KCNK2: variants seen among roughly 807,000 people sequenced by gnomAD.
The protein encoded by KCNK2 is potassium channel subfamily K member 2.
KCNK2 carries 21 observed loss-of-function variants against 40.5 expected under a neutral mutation model. That is an observed-to-expected ratio of 0.52 (90% CI 0.37 to 0.75). KCNK2 has a LOEUF of 0.75. Ranked by LOEUF, KCNK2 falls within the 30% of genes least tolerant of loss-of-function variation. The pLI is 0.00. For synonymous variants in KCNK2, 191 were observed against 202.2 expected, an observed-to-expected ratio of 0.94 and a Z score of 0.47; for missense variants, 399 against 531.6, an observed-to-expected ratio of 0.75 and a Z score of 2.45.
intron 3 of KCNK2, among the ~76,000 whole-genome samples, chr1:215,161,910 AGAAT>A (rs1170024661): frequency 2.0e-5 from 3 of 152,342 alleles, no homozygotes; most frequent in Admixed American, 6.5e-5. Context: ...TCTTTATTGT[AGAAT>A]GATTTATAAT....
chr1:215,229,230 G>T (rs1291798581), intron 6 of KCNK2, among the ~76,000 whole-genome samples: 1 of 140,290 alleles, frequency 7.1e-6, no homozygotes, highest in African/African-American at 2.7e-5. Flanking sequence ...TTTTGAATGT[G>T]AATGATTAAT....
intron 1 of KCNK2, 145 bp downstream of exon 1, chr1:215,083,576 G>A: frequency 1.5e-6 from 1 of 663,488 alleles, no homozygotes; most frequent in East Asian, 2.7e-5. Flanking sequence ...GTCATAATCT[G>A]GATTTGGAGG....
chr1:215,108,725 G>T (rs1660547138), intron 2 of KCNK2, among the ~76,000 whole-genome samples: 1 of 137,054 alleles, frequency 7.3e-6, no homozygotes, highest in African/African-American at 2.7e-5. Flanking sequence ...ACAGCAGACA[G>T]CTCAAACAGT....
At chr1:215,179,735 T>G (rs755791470) in intron 5 of KCNK2, among the ~76,000 whole-genome samples, 27 of 152,162 alleles carry the variant, frequency 1.8e-4, no homozygotes, top group Admixed American at 1.2e-3. Flanking sequence ...ATGGTTGGTA[T>G]GCTTTTAATT....
At position 215,171,969 on chromosome 1, in the gene KCNK2, T is replaced by TAC. The variant is rs547091168; in HGVS notation, c.637-21_637-20dup. The TAC allele has an allele frequency of 3.5e-4, 524 of 1,489,574 alleles. 5 individuals are homozygous for TAC. The South Asian group carries it at 5.9e-3, about 17-fold the overall frequency. The allele number at this position is 1,489,574 out of a possible 1,614,324, so 92.3% of individuals were successfully genotyped here. A position where few individuals can be genotyped will look rare whatever the true frequency, so the allele number is the denominator to read the frequency against. On this transcript the variant is annotated intron_variant, in intron 4 of 6. Transcript: ENST00000444842. The stretch of plus-strand genomic sequence containing the variant: ...CCCCATTTATATACATATATATATA[T>TAC]ACACACACCTTTCTGTCTCATCCCT...
chr1:215,027,605 A>AT (rs1657043189), intron 1 of KCNK2, among the ~76,000 whole-genome samples: 1 of 152,186 alleles, frequency 6.6e-6, no homozygotes, highest in Admixed American at 6.5e-5. Flanking sequence ...TTCTGTTGAC[A>AT]TACAGCTGGG....
At chr1:215,130,828 C>T (rs908192901) in intron 3 of KCNK2, among the ~76,000 whole-genome samples, 5 of 151,708 alleles carry the variant, frequency 3.3e-5, no homozygotes, top group African/African-American at 1.2e-4. Flanking sequence ...GAGGGCTTAG[C>T]GTTTAATTTT....
At chr1:215,203,545 A>G (rs1160515571) in intron 6 of KCNK2, among the ~76,000 whole-genome samples, 1 of 151,962 alleles carries the variant, frequency 6.6e-6, no homozygotes, top group East Asian at 1.9e-4. Context: ...TATATATAAT[A>G]TCATCATATA....
At chr1:215,057,650 A>G (rs1041987104) in intron 1 of KCNK2, among the ~76,000 whole-genome samples, 14 of 152,164 alleles carry the variant, frequency 9.2e-5, no homozygotes, top group African/African-American at 3.1e-4. Flanking sequence ...GCAAGATGGA[A>G]GAAACAAAGG....
intron 1 of KCNK2, among the ~76,000 whole-genome samples, chr1:215,010,231 C>T (rs1656329107): frequency 6.6e-6 from 1 of 152,106 alleles, no homozygotes; most frequent in South Asian, 2.1e-4. Flanking sequence ...GCAAGTTAAC[C>T]ACCAGTTTAT....
intron 5 of KCNK2, among the ~76,000 whole-genome samples, chr1:215,186,387 C>G (rs1664440777): frequency 6.6e-6 from 1 of 151,540 alleles, no homozygotes; most frequent in African/African-American, 2.4e-5. Flanking sequence ...GGGCGAGGCC[C>G]CATCTTGAAA....
At chr1:215,161,735 A>G (rs1361168338) in intron 3 of KCNK2, among the ~76,000 whole-genome samples, 5 of 151,970 alleles carry the variant, frequency 3.3e-5, no homozygotes, top group African/African-American at 1.2e-4. Flanking sequence ...CTTCATCCAT[A>G]TCCCTGCAAA....
intron 2 of KCNK2, among the ~76,000 whole-genome samples, chr1:215,103,850 T>C (rs1352375735): frequency 6.6e-6 from 1 of 152,084 alleles, no homozygotes. Context: ...TGTCTGTGTG[T>C]CTGTTTTATT....
intron 1 of KCNK2, among the ~76,000 whole-genome samples, chr1:215,029,578 A>G (rs1207426655): frequency 6.8e-6 from 1 of 147,056 alleles, no homozygotes; most frequent in African/African-American, 2.5e-5. Context: ...TTTAATATAT[A>G]AATATAAATA....
At chr1:215,167,206 A>G (rs1017528746) in intron 3 of KCNK2, among the ~76,000 whole-genome samples, 4 of 152,162 alleles carry the variant, frequency 2.6e-5, no homozygotes, top group African/African-American at 9.6e-5. Context: ...TAACAATGAA[A>G]TAAATACAAA....
chr1:215,209,477 T>A (rs867025379), intron 6 of KCNK2, among the ~76,000 whole-genome samples: 274 of 1,138 alleles, frequency 0.24, 8 homozygotes, highest in East Asian at 0.5. Context: ...TAATATATAT[T>A]ATATATAATA....
At chr1:215,107,495 A>G (rs1226061033) in intron 2 of KCNK2, among the ~76,000 whole-genome samples, 1 of 152,062 alleles carries the variant, frequency 6.6e-6, no homozygotes, top group Non-Finnish European at 1.5e-5. Context: ...ATTTCTCCAC[A>G]TTATTGACAA....
intron 1 of KCNK2, among the ~76,000 whole-genome samples, chr1:215,007,037 A>ATGTGTGTGTGTGTG (rs1214318973): frequency 5.8e-5 from 3 of 51,598 alleles, no homozygotes; most frequent in African/African-American, 1.2e-4. Flanking sequence ...ATATATATAT[A>ATGTGTGTGTGTGTG]TGTGTGTGTG....
At chr1:215,130,804 A>G (rs1482124610) in intron 3 of KCNK2, among the ~76,000 whole-genome samples, 1 of 152,236 alleles carries the variant, frequency 6.6e-6, no homozygotes, top group Non-Finnish European at 1.5e-5. Flanking sequence ...TACTCCTCTC[A>G]GAATAATGCT....
Sources: gnomAD v4.1 joint callset for allele counts (sites outside exome capture counted in the v4.1 genomes callset) on GRCh38, gnomAD v4.1.1 for gene constraint, MANE v1.5 for transcripts, NCBI Gene and HGNC (gene_info 2026-07-23, HGNC 2026-07-21) for gene names.